The following THRAP3 variants were observed in gnomAD, a reference collection of about 807,000 sequenced individuals.
THRAP3 encodes thyroid hormone receptor-associated protein 3.
THRAP3 carries 16 observed loss-of-function variants against 101.0 expected under a neutral mutation model. The ratio of observed to expected loss-of-function variants is 0.16; its 90% CI spans 0.11 to 0.24. The LOEUF is 0.24. Ranked by LOEUF, THRAP3 falls within the 10% of genes least tolerant of loss-of-function variation. The pLI, the probability that THRAP3 is intolerant of heterozygous loss-of-function variation, is 1.00. For missense variants in THRAP3, 989 were observed against 1,202.7 expected (o/e 0.82, Z 2.63); for synonymous variants, 407 against 422.6 (o/e 0.96, Z 0.45).
intron 1 of THRAP3, among the ~76,000 whole-genome samples, chr1:36,246,817 GGGC>G (rs1645237155): frequency 6.6e-6 from 1 of 151,694 alleles, no homozygotes; most frequent in South Asian, 2.1e-4. Context: ...ACTCCAGCCT[GGGC>G]GACAGAGTGA....
chr1:36,234,778 C>A (rs1645065673), intron 1 of THRAP3, among the ~76,000 whole-genome samples: 1 of 147,980 alleles, frequency 6.8e-6, no homozygotes, highest in Non-Finnish European at 1.5e-5. Flanking sequence ...CCTAGCTTGC[C>A]TCTTCTCTTC....
chr1:36,219,115 CAG>C, the THRAP3 span, among the ~76,000 whole-genome samples: 11 of 149,298 alleles, frequency 7.4e-5, no homozygotes, highest in African/African-American at 2.5e-4. Flanking sequence ...ATTGCTGATA[CAG>C]AGAGAGTTTT....
chr1:36,274,374 A>C (rs1645629131), intron 2 of THRAP3, among the ~76,000 whole-genome samples: 1 of 152,170 alleles, frequency 6.6e-6, no homozygotes, highest in African/African-American at 2.4e-5. Context: ...CAGCACACAC[A>C]CTGTCAAAAT....
chr1:36,304,940 A>G lies in THRAP3; in HGVS notation c.*923A>G, dbSNP rs1646081654. On this transcript the variant is annotated 3_prime_UTR_variant, in exon 12 of 12. Transcript: ENST00000354618. ...ATTAATCTTTTTATAAAATGAAAAG[A>G]AACTCCTATGATCGATTAAGGAAGG... The G allele has an allele frequency of 4.8e-6, 1 of 209,250 alleles. No individual in the cohort carries two copies. The highest frequency in any genetic ancestry group is 2.3e-5 in the African/African-American group (1 of 43,912). 13.0% of individuals were successfully genotyped at this position (209,250 alleles called of 1,614,324 possible).
chr1:36,254,463 G>A (rs1370234977), intron 1 of THRAP3, among the ~76,000 whole-genome samples: 1 of 152,196 alleles, frequency 6.6e-6, no homozygotes, highest in Non-Finnish European at 1.5e-5. Flanking sequence ...GTTTTGATGT[G>A]ATGGATATGC....
chr1:36,252,602 T>C (rs1645316178), intron 1 of THRAP3, among the ~76,000 whole-genome samples: 1 of 152,168 alleles, frequency 6.6e-6, no homozygotes, highest in Middle Eastern at 3.4e-3. Flanking sequence ...TGCACAAAGT[T>C]TTTATTTCAA....
At chr1:36,263,201 G>A (rs1486903129) in intron 2 of THRAP3, among the ~76,000 whole-genome samples, 1 of 151,858 alleles carries the variant, frequency 6.6e-6, no homozygotes, top group Non-Finnish European at 1.5e-5. Context: ...CCAGGCTCAG[G>A]TGATCCTCCT....
chr1:36,276,543 G>A (rs1645663357), intron 2 of THRAP3, among the ~76,000 whole-genome samples: 1 of 139,266 alleles, frequency 7.2e-6, no homozygotes, highest in Admixed American at 7.4e-5. Flanking sequence ...AAAAAAAAAG[G>A]TGCTTCAAAG....
chr1:36,259,815 A>G (rs1027037366), intron 2 of THRAP3, among the ~76,000 whole-genome samples: 1 of 152,074 alleles, frequency 6.6e-6, no homozygotes, highest in African/African-American at 2.4e-5. Flanking sequence ...TGATTCGTTA[A>G]TGGAAGTTCT....
At chr1:36,259,144 C>T (rs1345644437) in intron 1 of THRAP3, among the ~76,000 whole-genome samples, 2 of 152,106 alleles carry the variant, frequency 1.3e-5, no homozygotes, top group Non-Finnish European at 2.9e-5. Flanking sequence ...GAAATATTGC[C>T]AGTGAAAGTA....
intron 2 of THRAP3, among the ~76,000 whole-genome samples, chr1:36,276,101 G>C (rs1487797380): frequency 1.3e-5 from 2 of 151,576 alleles, no homozygotes; most frequent in African/African-American, 4.9e-5. Flanking sequence ...GCTAAAACTA[G>C]AAAACCCTTA....
At chr1:36,218,345 T>C in the THRAP3 span, among the ~76,000 whole-genome samples, 1 of 144,798 alleles carries the variant, frequency 6.9e-6, no homozygotes, top group Non-Finnish European at 1.5e-5. Context: ...TGAGCAGAGA[T>C]TGCATCACTC....
chr1:36,265,316 C>CTTGGA (rs1645499418), intron 2 of THRAP3, among the ~76,000 whole-genome samples: 1 of 152,172 alleles, frequency 6.6e-6, no homozygotes, highest in Non-Finnish European at 1.5e-5. Context: ...TGGAAAAGGT[C>CTTGGA]TTACTAGTAA....
chr1:36,245,471 T>A (rs1645220077), intron 1 of THRAP3, among the ~76,000 whole-genome samples: 4 of 152,140 alleles, frequency 2.6e-5, no homozygotes, highest in African/African-American at 9.6e-5. Flanking sequence ...GCCTGGGTCC[T>A]TTCCCCAATC....
chr1:36,220,881 G>A (rs1025521985), upstream of THRAP3, among the ~76,000 whole-genome samples: 1 of 149,698 alleles, frequency 6.7e-6, no homozygotes, highest in African/African-American at 2.5e-5. Context: ...CTTGAACCCG[G>A]GGGCGCAGAG....
the THRAP3 span, among the ~76,000 whole-genome samples, chr1:36,218,004 C>A: frequency 6.6e-6 from 1 of 152,154 alleles, no homozygotes; most frequent in Non-Finnish European, 1.5e-5. Context: ...TGTCAAAAGC[C>A]TAGACAGGCA....
intron 9 of THRAP3, among the ~76,000 whole-genome samples, chr1:36,300,150 C>T (rs2124645022): frequency 6.6e-6 from 1 of 152,278 alleles, no homozygotes; most frequent in South Asian, 2.1e-4. Context: ...GCTAATTTGC[C>T]CTAGTCTGTA....
rs114160627 is a variant in THRAP3 at position 36,254,972 on chromosome 1, T to C, written c.-134-4410T>C. ...CCATTTATAGTAATTTCACCAGTCTTGGATCAATCTTGGTTTCCACTGATA... is the reference window on the plus strand; with the variant it reads ...CCATTTATAGTAATTTCACCAGTCTCGGATCAATCTTGGTTTCCACTGATA... On this transcript the variant is annotated intron_variant, in intron 1 of 11. Transcript: ENST00000354618. Among the ~76,000 whole-genome samples the C allele has an allele frequency of 2.6e-3, 392 of 152,302 alleles. 2 individuals are homozygous for C. Among genetic ancestry groups the C allele is most frequent in the African/African-American group, 8.9e-3 (372 of 41,574 alleles).
chr1:36,270,347 T>C (rs1269556040), intron 2 of THRAP3, among the ~76,000 whole-genome samples: 6 of 151,978 alleles, frequency 3.9e-5, no homozygotes, highest in Admixed American at 3.9e-4. Flanking sequence ...TGAGCTATAA[T>C]CGAGCCACTG....
Sources: allele counts gnomAD v4.1 joint callset (sites outside exome capture counted in the v4.1 genomes callset), GRCh38; gene constraint gnomAD v4.1.1; transcripts MANE v1.5; gene names NCBI Gene and HGNC (gene_info 2026-07-23, HGNC 2026-07-21).